The following ITGA8 variants were observed in gnomAD, a reference collection of about 807,000 sequenced individuals.
ITGA8 encodes integrin subunit alpha 8, also known as integrin alpha-8.
ITGA8 carries 91 observed loss-of-function variants against 142.3 expected under a neutral mutation model. That is an observed-to-expected ratio of 0.64 (90% CI 0.54 to 0.76). ITGA8 has a LOEUF of 0.76. Ranked by LOEUF, ITGA8 falls within the 30% of genes least tolerant of loss-of-function variation. ITGA8 has a pLI of 0.00. For missense variants in ITGA8, 1,406 were observed against 1,327.7 expected, an observed-to-expected ratio of 1.06 and a Z score of -0.92; for synonymous variants, 505 against 485.2, an observed-to-expected ratio of 1.04 and a Z score of -0.54.
intron 8 of ITGA8, among the ~76,000 whole-genome samples, chr10:15,665,824 T>G (rs1223812648): frequency 6.6e-6 from 1 of 152,158 alleles, no homozygotes; most frequent in East Asian, 1.9e-4. Flanking sequence ...ATCAGATAGT[T>G]GTAGATATGC....
chr10:15,647,046 T>C lies in ITGA8; in HGVS notation c.1007A>G (p.Asp336Gly). ...GAGAGGTGCCCCAACCAGGACATCATCCAGTCTGTAAGGAACAAAGAAAGC... is the reference window on the plus strand; with the variant it reads ...GAGAGGTGCCCCAACCAGGACATCACCCAGTCTGTAAGGAACAAAGAAAGC... Reference protein sequence around the residue: ...VVSDVNSDGLDDVLVGAPLFM... With the variant: ...VVSDVNSDGLGDVLVGAPLFM... Residue 336 changes from aspartate to glycine, a missense_variant, in exon 12 of 30, where the codon GAT (aspartate) becomes GGT (glycine). Physicochemically the swap from Asp to Gly is moderately conservative, Grantham distance 94. Transcript: ENST00000378076. 6.2e-7 allele frequency: 1 copy of C among 1,612,976 alleles called. No homozygotes were observed. Among genetic ancestry groups the C allele is most frequent in the Non-Finnish European group, 8.5e-7 (1 of 1,179,812 alleles).
At chr10:15,687,054 T>C (rs1006028926) in intron 3 of ITGA8, among the ~76,000 whole-genome samples, 5 of 152,204 alleles carry the variant, frequency 3.3e-5, no homozygotes, top group Non-Finnish European at 5.9e-5. Context: ...ATTATATTAA[T>C]GCAAAGACAA....
chr10:15,537,983 A>C (rs1833482457), intron 27 of ITGA8, among the ~76,000 whole-genome samples: 1 of 151,668 alleles, frequency 6.6e-6, no homozygotes, highest in African/African-American at 2.4e-5. Context: ...AAAAAAAAAC[A>C]CAAAAATTAG....
At chr10:15,612,052 T>G (rs61708285) in intron 15 of ITGA8, among the ~76,000 whole-genome samples, 2 of 152,322 alleles carry the variant, frequency 1.3e-5, no homozygotes, top group South Asian at 2.1e-4. Flanking sequence ...GTTCATTTAA[T>G]CATGCAGGGG....
chr10:15,653,486 G>A (rs779762123), intron 11 of ITGA8, among the ~76,000 whole-genome samples: 3 of 152,110 alleles, frequency 2.0e-5, no homozygotes, highest in Non-Finnish European at 4.4e-5. Flanking sequence ...CAATCAATAA[G>A]CCTACATTCA....
At chr10:15,690,645 G>A (rs1338885675) in intron 2 of ITGA8, among the ~76,000 whole-genome samples, 4 of 152,100 alleles carry the variant, frequency 2.6e-5, no homozygotes, top group African/African-American at 9.7e-5. Flanking sequence ...ACACAAAGAG[G>A]GATCTCCTTG....
chr10:15,650,702 C>T (rs1834069130), intron 11 of ITGA8, among the ~76,000 whole-genome samples: 1 of 152,198 alleles, frequency 6.6e-6, no homozygotes, highest in African/African-American at 2.4e-5. Context: ...ATTGCTTTAA[C>T]ATAGAAACTT....
intron 20 of ITGA8, 70 bp downstream of exon 20, chr10:15,604,138 C>T: frequency 7.4e-7 from 1 of 1,343,330 alleles, no homozygotes; most frequent in South Asian, 1.3e-5. Flanking sequence ...GCTAAGATGG[C>T]CCTTCTTAAC....
rs769694790 is a variant in ITGA8, at chr10:15,647,046, T to A, written c.1007A>T (p.Asp336Val). 6.2e-7 allele frequency: 1 copy of A among 1,612,976 alleles called. No homozygotes were observed. The highest frequency in any genetic ancestry group is 1.1e-5 in the South Asian group (1 of 91,026). ...GAGAGGTGCCCCAACCAGGACATCA[T>A]CCAGTCTGTAAGGAACAAAGAAAGC... The part of the protein sequence containing the change: ...VVSDVNSDGL[D>V]DVLVGAPLFM... The change falls in exon 12 of 30, where the codon GAT (aspartate) becomes GTT (valine). Residue 336 changes from aspartate to valine, a missense_variant. Asp to Val is a radical substitution (Grantham distance 152). Coordinates refer to ENST00000378076, the MANE Select transcript of ITGA8 (RefSeq NM_003638.3).
chr10:15,520,206 G>C (rs1174819741), intron 28 of ITGA8, among the ~76,000 whole-genome samples: 1 of 152,116 alleles, frequency 6.6e-6, no homozygotes, highest in Non-Finnish European at 1.5e-5. Context: ...GAGCTCAGGA[G>C]GTCGAGACCA....
intron 2 of ITGA8, among the ~76,000 whole-genome samples, chr10:15,700,113 A>G (rs1835134264): frequency 6.6e-6 from 1 of 152,218 alleles, no homozygotes. Flanking sequence ...CAACTCTGTT[A>G]ATTGGGATTA....
intron 6 of ITGA8, among the ~76,000 whole-genome samples, chr10:15,673,094 TG>T (rs1588714635): frequency 6.6e-6 from 1 of 152,300 alleles, no homozygotes. Flanking sequence ...TGTTTGTTTT[TG>T]TTTTTTGGGA....
Position 15,607,810 on chromosome 10 carries a change from A to G in ITGA8, c.1631T>C (p.Leu544Ser). 2 of 1,612,094 alleles carry G rather than the reference A, an allele frequency of 1.2e-6. No homozygotes were observed. The highest frequency in any genetic ancestry group is 2.2e-5 in the South Asian group (2 of 90,998). Residue 544 changes from leucine to serine, a missense_variant, in exon 17 of 30, where the codon TTA becomes TCA. By Grantham distance (145) the Leu-to-Ser change is moderately radical (BLOSUM62 -2). Transcript: ENST00000378076. ...AGCTCCTTTCTGTTTCAGGGAATCT[A>G]ATTGCACCTCTGCCATCAAGACTAA... ...NTIVLMAEVQ[L>S]DSLKQKGAIK...
chr10:15,562,763 C>T (rs1472172093), intron 25 of ITGA8, among the ~76,000 whole-genome samples: 1 of 152,158 alleles, frequency 6.6e-6, no homozygotes, highest in Non-Finnish European at 1.5e-5. Flanking sequence ...TTGGATAGCC[C>T]AGCACTGTGG....
At chr10:15,580,548 C>T (rs904953658) in intron 23 of ITGA8, among the ~76,000 whole-genome samples, 3 of 152,030 alleles carry the variant, frequency 2.0e-5, no homozygotes, top group South Asian at 4.1e-4. Context: ...TTTAGCAAGT[C>T]GAATCCCAGA....
At chr10:15,666,748 A>G (rs1483424437) in intron 8 of ITGA8, among the ~76,000 whole-genome samples, 1 of 152,166 alleles carries the variant, frequency 6.6e-6, no homozygotes, top group African/African-American at 2.4e-5. Flanking sequence ...AATTTTGTCA[A>G]AGGCCTTTTC....
chr10:15,597,272 T>G lies in ITGA8; in HGVS notation c.2146A>C (p.Lys716Gln). 1 of 1,614,104 alleles carries G rather than the reference T, an allele frequency of 6.2e-7. No homozygotes were observed. The highest frequency in any genetic ancestry group is 8.5e-7 in the Non-Finnish European group (1 of 1,179,968). The change falls in exon 21 of 30, where the codon AAG (lysine) becomes CAG (glutamine). Residue 716 changes from lysine to glutamine, a missense_variant. Physicochemically the swap from Lys to Gln is moderately conservative, Grantham distance 53. Coordinates refer to ENST00000378076, the MANE Select transcript of ITGA8 (RefSeq NM_003638.3). The part of the protein sequence containing the change: ...KGFRPLSCEY[K>Q]MENVTRMVVC... Reference sequence around the variant, plus strand: ...ACCATCCTGGTTACATTTTCCATCTTGTACTCACAGCTCAGTGGTCGAAAT... The same window carrying G: ...ACCATCCTGGTTACATTTTCCATCTGGTACTCACAGCTCAGTGGTCGAAAT...
intron 26 of ITGA8, among the ~76,000 whole-genome samples, chr10:15,554,435 T>C (rs1833852669): frequency 6.6e-6 from 1 of 152,210 alleles, no homozygotes. Context: ...CTCTCTGGCA[T>C]GAAGCCATGG....
chr10:15,585,325 C>T (rs1473112478), intron 23 of ITGA8, among the ~76,000 whole-genome samples: 2 of 152,178 alleles, frequency 1.3e-5, no homozygotes, highest in Non-Finnish European at 2.9e-5. Flanking sequence ...GCCGCAATTC[C>T]CTCACCTGTA....
Sources: allele counts gnomAD v4.1 joint callset (sites outside exome capture counted in the v4.1 genomes callset), GRCh38; gene constraint gnomAD v4.1.1; transcripts MANE v1.5; gene names NCBI Gene and HGNC (gene_info 2026-07-23, HGNC 2026-07-21).